Variants in TACC1 observed in about 807,000 individuals in gnomAD.
The protein encoded by TACC1 is transforming acidic coiled-coil-containing protein 1.
Under a neutral mutation model 84.4 loss-of-function variants are expected in TACC1, and 48 were observed. The ratio of observed to expected loss-of-function variants is 0.57; its 90% CI spans 0.45 to 0.72. The LOEUF (loss-of-function observed/expected upper bound fraction) is 0.72, where lower values mean the gene tolerates loss of function less well. Ranked by LOEUF, TACC1 falls within the 30% of genes least tolerant of loss-of-function variation. The probability of loss-of-function intolerance (pLI) is 0.00; values close to 1 mark genes in which losing one functional copy is unlikely to be tolerated. For missense variants in TACC1, 920 were observed against 973.0 expected, an observed-to-expected ratio of 0.95 and a Z score of 0.72; for synonymous variants, 372 against 376.3, an observed-to-expected ratio of 0.99 and a Z score of 0.13.
intron 4 of TACC1, among the ~76,000 whole-genome samples, 194 bp downstream of exon 4, chr8:38,825,562 CTCTT>C (rs1230514286): frequency 2.6e-4 from 40 of 151,744 alleles, no homozygotes; most frequent in Admixed American, 2.6e-3. Flanking sequence ...TTCACAATGA[CTCTT>C]TTTTTTTTTT....
intron 3 of TACC1, among the ~76,000 whole-genome samples, chr8:38,753,944 C>CTTTCTTTCTTTTTT (rs1809533717): frequency 1.6e-5 from 1 of 62,958 alleles, no homozygotes; most frequent in Admixed American, 1.3e-4. Context: ...TTCTCTCTCT[C>CTTTCTTTCTTTTTT]TCTTTCATTT....
intron 3 of TACC1, among the ~76,000 whole-genome samples, chr8:38,764,524 C>A (rs1365802173): frequency 6.6e-6 from 1 of 150,842 alleles, no homozygotes; most frequent in African/African-American, 2.4e-5. Context: ...TGTTTATTAG[C>A]CATTTTGAAT....
intron 3 of TACC1, among the ~76,000 whole-genome samples, chr8:38,754,358 A>G (rs1809614453): frequency 6.6e-6 from 1 of 151,996 alleles, no homozygotes; most frequent in South Asian, 2.1e-4. Context: ...GAGAAGGAAA[A>G]CTTTCCCATT....
At chr8:38,746,204 G>C (rs1346513849) in intron 3 of TACC1, among the ~76,000 whole-genome samples, 1 of 152,164 alleles carries the variant, frequency 6.6e-6, no homozygotes, top group Non-Finnish European at 1.5e-5. Flanking sequence ...AAGAAAAAAA[G>C]CTTGTTTTTG....
At chr8:38,802,000 A>G (rs1821483129) in intron 2 of TACC1, among the ~76,000 whole-genome samples, 1 of 152,054 alleles carries the variant, frequency 6.6e-6, no homozygotes, top group Non-Finnish European at 1.5e-5. Flanking sequence ...TGCAGCCTCA[A>G]CCTCCCAGGC....
chr8:38,781,739 A>T (rs115848727), intron 3 of TACC1, among the ~76,000 whole-genome samples: 1 of 152,088 alleles, frequency 6.6e-6, no homozygotes, highest in Non-Finnish European at 1.5e-5. Flanking sequence ...TTCAAGTCTT[A>T]AATTCCACCC....
At chr8:38,775,029 AT>A (rs1262583444) in intron 3 of TACC1, among the ~76,000 whole-genome samples, 7 of 151,364 alleles carry the variant, frequency 4.6e-5, no homozygotes, top group African/African-American at 1.5e-4. Flanking sequence ...AAAAAAAAAA[AT>A]GAAAACCAAA....
rs975973012 is a variant in TACC1, at chr8:38,845,673, C to G, written c.2229-1026C>G. On this transcript the variant is annotated intron_variant, in intron 11 of 12. Transcript: ENST00000317827. ...CTACAGCGAACATCCTGTGCACTCA[C>G]TGTTATGCCAGGTGGGAGTATTTCT... 1.2e-4 allele frequency among the ~76,000 whole-genome samples: 19 copies of G among 152,326 alleles called. 1 individual carries two copies. The highest frequency in any genetic ancestry group is 4.6e-4 in the African/African-American group (19 of 41,570).
At chr8:38,792,984 CCT>C (rs1819096599) in intron 2 of TACC1, among the ~76,000 whole-genome samples, 1 of 152,036 alleles carries the variant, frequency 6.6e-6, no homozygotes, top group South Asian at 2.1e-4. Flanking sequence ...CAGTGGGTGC[CCT>C]CTGCCCCTTG....
At chr8:38,781,800 A>T (rs1816047718) in intron 3 of TACC1, among the ~76,000 whole-genome samples, 1 of 152,142 alleles carries the variant, frequency 6.6e-6, no homozygotes, top group Non-Finnish European at 1.5e-5. Flanking sequence ...ATTTGAAGTA[A>T]TGTCCTTTAC....
In TACC1 at chr8:38,787,719, C is replaced by A; in HGVS notation, c.137C>A (p.Ala46Asp). 6.5e-7 allele frequency: 1 copy of A among 1,547,538 alleles called. No individual in the cohort carries two copies. The highest frequency in any genetic ancestry group is 8.7e-7 in the Non-Finnish European group (1 of 1,154,706). Residue 46 changes from alanine (A) to aspartate (D), a missense_variant, in exon 1 of 13, where the codon GCC (alanine) becomes GAC (aspartate). This residue lies in a region of TACC1 where 762 missense variants were observed against 747.3 expected (regional missense o/e 1.02). Coordinates refer to ENST00000317827, the MANE Select transcript of TACC1 (RefSeq NM_006283.3). Reference sequence around the variant, plus strand: ...GACCCCGAGGAGGAGGATTCGCAAGCCGAGACCAAATCCTTGAGTTTCAGG... The same window carrying A: ...GACCCCGAGGAGGAGGATTCGCAAGACGAGACCAAATCCTTGAGTTTCAGG... The part of the protein sequence containing the change: ...EGDPEEEDSQ[A>D]ETKSLSFSSD...
At position 38,819,840 on chromosome 8, in the gene TACC1, G is replaced by A. The variant is rs375205295; in HGVS notation, c.596G>A (p.Gly199Asp). 1.1e-5 allele frequency: 17 copies of A among 1,613,792 alleles called. No individual in the cohort carries two copies. Among genetic ancestry groups the A allele is most frequent in the Non-Finnish European group, 1.4e-5 (17 of 1,180,048 alleles). ...CTCCAGGACGAGGCGATGACAGAAG[G>A]CAGCATGGGGGTCACCCTCGAGGCC... Reference protein sequence around the residue: ...DALQDEAMTEGSMGVTLEASA... With the variant: ...DALQDEAMTEDSMGVTLEASA... The change falls in exon 3 of 13, where the codon GGC (glycine) becomes GAC (aspartate). Residue 199 changes from glycine (G) to aspartate (D), a missense_variant. Physicochemically the swap from Gly to Asp is moderately conservative, Grantham distance 94 (BLOSUM62 -1). Coordinates refer to ENST00000317827, the MANE Select transcript of TACC1 (RefSeq NM_006283.3).
chr8:38,739,225 A>G (rs1806598066), intron 1 of TACC1, among the ~76,000 whole-genome samples: 1 of 152,168 alleles, frequency 6.6e-6, no homozygotes, highest in African/African-American at 2.4e-5. Context: ...ATTAAGCTAA[A>G]CATGAATTCA....
chr8:38,834,404 A>T (rs189482463), intron 6 of TACC1, among the ~76,000 whole-genome samples: 7 of 152,296 alleles, frequency 4.6e-5, no homozygotes, highest in African/African-American at 1.7e-4. Flanking sequence ...ATGAGTCACT[A>T]GGTCCAGCCT....
At chr8:38,745,394 T>C (rs1389713073) in exon 3 of TACC1, 1 of 628,626 alleles carries the variant, frequency 1.6e-6, no homozygotes, top group African/African-American at 1.9e-5. Flanking sequence ...GAAACCCAAA[T>C]TATGGGACAT....
At chr8:38,761,963 G>A (rs1001126953) in intron 3 of TACC1, among the ~76,000 whole-genome samples, 5 of 152,124 alleles carry the variant, frequency 3.3e-5, no homozygotes, top group Admixed American at 6.6e-5. Flanking sequence ...AGCCAATCCC[G>A]AAGGAAATGA....
chr8:38,792,728 G>A (rs544062548), intron 2 of TACC1, among the ~76,000 whole-genome samples: 134 of 152,260 alleles, frequency 8.8e-4, no homozygotes, highest in Middle Eastern at 3.4e-3. Flanking sequence ...GCCTCCCAAA[G>A]TGCTGGGATT....
At chr8:38,825,614 A>G (rs907228345) in intron 4 of TACC1, among the ~76,000 whole-genome samples, 4 of 151,996 alleles carry the variant, frequency 2.6e-5, no homozygotes, top group African/African-American at 9.7e-5. Context: ...AAGATGCATC[A>G]CCACAGGGTG....
intron 1 of TACC1, among the ~76,000 whole-genome samples, chr8:38,731,754 A>G: frequency 6.6e-6 from 1 of 151,730 alleles, no homozygotes; most frequent in Non-Finnish European, 1.5e-5. Flanking sequence ...AACAACAACA[A>G]CAACAACAAC....
Sources: allele counts gnomAD v4.1 joint callset (sites outside exome capture counted in the v4.1 genomes callset), GRCh38; gene constraint gnomAD v4.1.1; regional missense constraint gnomAD v4.1.1; transcripts MANE v1.5; gene names NCBI Gene and HGNC (gene_info 2026-07-23, HGNC 2026-07-21).